TENM3: variants seen among roughly 807,000 people sequenced by gnomAD.
The protein encoded by TENM3 is teneurin-3.
Under a neutral mutation model 255.1 loss-of-function variants are expected in TENM3, and 63 were observed. That is an observed-to-expected ratio of 0.25 (90% CI 0.20 to 0.30). TENM3 has a LOEUF of 0.30. Among genes scored for constraint, TENM3 ranks in the 10% least tolerant of loss-of-function variants. TENM3 has a pLI of 1.00. For missense variants in TENM3, 2,929 were observed against 3,461.1 expected, an observed-to-expected ratio of 0.85 and a Z score of 3.86; for synonymous variants, 1,306 against 1,322.3, an observed-to-expected ratio of 0.99 and a Z score of 0.27.
chr4:181,554,576 T>C, the TENM3 span, among the ~76,000 whole-genome samples: 1 of 152,232 alleles, frequency 6.6e-6, no homozygotes, highest in Non-Finnish European at 1.5e-5. Flanking sequence ...TGTGTGGCTA[T>C]AGTCCCAAAC....
chr4:181,581,145 A>G, the TENM3 span, among the ~76,000 whole-genome samples: 2 of 148,864 alleles, frequency 1.3e-5, no homozygotes, highest in Non-Finnish European at 3.0e-5. Flanking sequence ...CAGTGAGGGG[A>G]AAAAAAACAG....
chr4:182,353,830 G>T (rs894386160), intron 3 of TENM3, among the ~76,000 whole-genome samples: 2 of 152,132 alleles, frequency 1.3e-5, no homozygotes, highest in Non-Finnish European at 2.9e-5. Context: ...GCTGGGCATG[G>T]TGGCAGATGC....
chr4:182,066,682 G>A, the TENM3 span, among the ~76,000 whole-genome samples: 11 of 151,378 alleles, frequency 7.3e-5, no homozygotes, highest in Non-Finnish European at 1.2e-4. Context: ...AGGCCAAGGC[G>A]GGCGGATCAC....
the TENM3 span, among the ~76,000 whole-genome samples, chr4:181,823,306 A>G: frequency 6.6e-6 from 1 of 152,058 alleles, no homozygotes; most frequent in Non-Finnish European, 1.5e-5. Flanking sequence ...GTTGCCTTCT[A>G]ACACTGTGTC....
chr4:181,922,649 C>T, the TENM3 span, among the ~76,000 whole-genome samples: 1 of 151,918 alleles, frequency 6.6e-6, no homozygotes, highest in Non-Finnish European at 1.5e-5. Context: ...GTCTTGCTAG[C>T]AGTCTATCAA....
chr4:182,156,556 A>G (rs62352025), intron 1 of TENM3, among the ~76,000 whole-genome samples: 35,286 of 151,828 alleles, frequency 0.23, 4,590 homozygotes, highest in Non-Finnish European at 0.3. Context: ...TCATTTTTCT[A>G]AAGTGATGCC....
chr4:182,260,380 A>G (rs986019690), intron 1 of TENM3, among the ~76,000 whole-genome samples: 3 of 152,228 alleles, frequency 2.0e-5, no homozygotes, highest in African/African-American at 7.2e-5. Context: ...TTCTCCTAAG[A>G]AAGCCATTTT....
chr4:181,979,562 C>T, the TENM3 span, among the ~76,000 whole-genome samples: 3,800 of 152,210 alleles, frequency 0.025, 155 homozygotes, highest in African/African-American at 0.087. Flanking sequence ...CTCTTGTGCA[C>T]GGGTGCTCTG....
chr4:182,359,114 G>A (rs1487399508), intron 3 of TENM3, among the ~76,000 whole-genome samples: 1 of 151,786 alleles, frequency 6.6e-6, no homozygotes, highest in African/African-American at 2.4e-5. Flanking sequence ...TGCTGGATTC[G>A]GTTTGCCGGT....
At chr4:182,426,007 CAAAAAAAA>C (rs55836889) in intron 3 of TENM3, among the ~76,000 whole-genome samples, 6 of 90,724 alleles carry the variant, frequency 6.6e-5, no homozygotes, top group African/African-American at 1.8e-4. Flanking sequence ...GAGTCCATGT[CAAAAAAAA>C]AAAAAAAAAA....
At chr4:182,279,742 G>T (rs186481122) in intron 1 of TENM3, among the ~76,000 whole-genome samples, 1 of 152,234 alleles carries the variant, frequency 6.6e-6, no homozygotes, top group African/African-American at 2.4e-5. Flanking sequence ...GTGGATCGCA[G>T]AATAGTCATT....
In TENM3 at chr4:182,334,309, TG is replaced by T. The variant is rs545551834; in HGVS notation, c.232+10058del. Among the ~76,000 whole-genome samples, 110 of 152,276 alleles carry T rather than the reference TG, an allele frequency of 7.2e-4. 1 individual carries two copies. The highest frequency in any genetic ancestry group is 2.6e-3 in the African/African-American group (107 of 41,552). ...AAACAGGACCTAAATAAATAATCAATGTTTTTGGATGGGAAGATGATACCAT... is the reference window on the plus strand; with the variant it reads ...AAACAGGACCTAAATAAATAATCAATTTTTTGGATGGGAAGATGATACCAT... On this transcript the variant is annotated intron_variant, in intron 2 of 27. Coordinates refer to ENST00000511685, the MANE Select transcript of TENM3 (RefSeq NM_001080477.4).
At chr4:182,236,845 A>G (rs558100170) in intron 1 of TENM3, among the ~76,000 whole-genome samples, 1 of 152,274 alleles carries the variant, frequency 6.6e-6, no homozygotes, top group South Asian at 2.1e-4. Context: ...GATGCTTTTT[A>G]TTTTACTTTA....
chr4:182,717,951 G>C (rs1039713678), intron 13 of TENM3, among the ~76,000 whole-genome samples: 4 of 152,086 alleles, frequency 2.6e-5, no homozygotes, highest in Admixed American at 2.0e-4. Context: ...TCTGGAGTGG[G>C]GGTTAAGACA....
At chr4:181,727,460 A>G in the TENM3 span, among the ~76,000 whole-genome samples, 4 of 152,322 alleles carry the variant, frequency 2.6e-5, 1 homozygote, top group South Asian at 8.3e-4. Context: ...AGGAGCTGAG[A>G]GCCAGGAATC....
chr4:182,024,660 T>TCC, the TENM3 span, among the ~76,000 whole-genome samples: 2 of 152,170 alleles, frequency 1.3e-5, no homozygotes, highest in East Asian at 3.8e-4. Context: ...GGGGTATCCA[T>TCC]CCCCTCAAGC....
intron 12 of TENM3, among the ~76,000 whole-genome samples, chr4:182,713,554 C>T (rs527366151): frequency 4.6e-5 from 7 of 152,274 alleles, no homozygotes; most frequent in Admixed American, 1.3e-4. Context: ...CATGAATGTA[C>T]GGCAACTCCG....
the TENM3 span, among the ~76,000 whole-genome samples, chr4:181,660,589 C>T: frequency 2.6e-5 from 4 of 152,152 alleles, no homozygotes; most frequent in South Asian, 8.3e-4. Flanking sequence ...GTAATTTAGT[C>T]TTATTAAAAA....
At chr4:182,319,097 T>A (rs995910941) in intron 1 of TENM3, among the ~76,000 whole-genome samples, 4 of 152,218 alleles carry the variant, frequency 2.6e-5, no homozygotes, top group African/African-American at 9.7e-5. Flanking sequence ...TTTGTTTTTT[T>A]GTTTTTTGTT....
Sources: allele counts gnomAD v4.1 joint callset (sites outside exome capture counted in the v4.1 genomes callset), GRCh38; gene constraint gnomAD v4.1.1; transcripts MANE v1.5; gene names NCBI Gene and HGNC (gene_info 2026-07-23, HGNC 2026-07-21).